Variants in CPXM2 observed in about 807,000 individuals in gnomAD.
CPXM2 encodes the protein inactive carboxypeptidase-like protein X2.
CPXM2 carries 66 observed loss-of-function variants against 86.1 expected under a neutral mutation model. The observed-to-expected ratio is 0.77, with a 90% CI of 0.63 to 0.94. The LOEUF is 0.94. CPXM2 is among the 40% of genes least tolerant of loss of function. The probability of loss-of-function intolerance (pLI) is 0.00; values close to 1 mark genes in which losing one functional copy is unlikely to be tolerated. For missense variants in CPXM2, 948 were observed against 1,026.3 expected (o/e 0.92, Z 1.04); for synonymous variants, 388 against 400.2 (o/e 0.97, Z 0.36).
At chr10:123,758,104 C>T (rs1412900802) in intron 11 of CPXM2, among the ~76,000 whole-genome samples, 8 of 152,192 alleles carry the variant, frequency 5.3e-5, no homozygotes, top group Non-Finnish European at 1.0e-4. Context: ...TGAAAGCAGA[C>T]AAGCCTTCTG....
chr10:123,768,102 G>A (rs1319450924), intron 9 of CPXM2, among the ~76,000 whole-genome samples: 10 of 152,210 alleles, frequency 6.6e-5, no homozygotes, highest in East Asian at 1.9e-4. Flanking sequence ...AATAAAACTC[G>A]TGTGGCCAGG....
At chr10:123,827,171 T>C (rs1052276849) in intron 4 of CPXM2, among the ~76,000 whole-genome samples, 1 of 152,134 alleles carries the variant, frequency 6.6e-6, no homozygotes, top group African/African-American at 2.4e-5. Flanking sequence ...GACAACATTA[T>C]CTGATGCAAT....
intron 4 of CPXM2, among the ~76,000 whole-genome samples, chr10:123,800,108 C>G (rs1281731273): frequency 6.7e-6 from 1 of 148,458 alleles, no homozygotes; most frequent in Non-Finnish European, 1.5e-5. Context: ...TGCTTGCCCT[C>G]AGGATTCAGA....
intron 2 of CPXM2, among the ~76,000 whole-genome samples, chr10:123,906,371 ACTC>A (rs1027965438): frequency 2.0e-4 from 31 of 151,898 alleles, no homozygotes; most frequent in Non-Finnish European, 8.8e-5. Flanking sequence ...AGGCCAGCTC[ACTC>A]CTCCTCCTCA....
At chr10:123,879,969 A>T (rs1333390180) in intron 2 of CPXM2, among the ~76,000 whole-genome samples, 2 of 152,184 alleles carry the variant, frequency 1.3e-5, no homozygotes, top group Non-Finnish European at 2.9e-5. Context: ...TTCAAAACTG[A>T]CTGCAGTTGA....
chr10:123,787,973 T>C (rs1416568977), intron 6 of CPXM2, among the ~76,000 whole-genome samples: 1 of 152,060 alleles, frequency 6.6e-6, no homozygotes, highest in Non-Finnish European at 1.5e-5. Context: ...CACTTCCTAC[T>C]TAGCCCTTTA....
intron 2 of CPXM2, among the ~76,000 whole-genome samples, chr10:123,938,013 T>G (rs548021787): frequency 2.0e-5 from 3 of 152,298 alleles, no homozygotes; most frequent in African/African-American, 7.2e-5. Flanking sequence ...CTCAGAGGCA[T>G]AAATACAGGT....
chr10:123,746,915 T>C lies in CPXM2; in HGVS notation c.2120A>G (p.Tyr707Cys), dbSNP rs1845981473. ...TASTKNCMVG[Y>C]DMGATRCDFT... Reference sequence around the variant, plus strand: ...GTCACACCTTGTGGCCCCCATGTCATAGCCAACCATACAGTTCTTGGTGGA... The same window carrying C: ...GTCACACCTTGTGGCCCCCATGTCACAGCCAACCATACAGTTCTTGGTGGA... Residue 707 changes from tyrosine (Y) to cysteine (C), a missense_variant, in exon 14 of 14, where the codon TAT becomes TGT. By Grantham distance (194) the Tyr-to-Cys change is radical (BLOSUM62 -2). Transcript: ENST00000241305. 3 of 1,614,208 alleles carry C rather than the reference T, an allele frequency of 1.9e-6. No homozygotes were observed. The highest frequency in any genetic ancestry group is 2.5e-6 in the Non-Finnish European group (3 of 1,180,028).
At chr10:123,943,238 T>C (rs1945793503), upstream of CPXM2, among the ~76,000 whole-genome samples, 1 of 152,106 alleles carries the variant, frequency 6.6e-6, no homozygotes, top group Non-Finnish European at 1.5e-5. Context: ...CCTCACTAAA[T>C]AGTAAGTTAA....
chr10:123,880,673 C>CA (rs1945069561), intron 1 of CPXM2, among the ~76,000 whole-genome samples: 2 of 151,646 alleles, frequency 1.3e-5, no homozygotes, highest in East Asian at 1.9e-4. Flanking sequence ...ACTAAAAATA[C>CA]AAAAAATTAG....
chr10:123,774,185 T>A (rs912083586), intron 7 of CPXM2, among the ~76,000 whole-genome samples: 2 of 152,144 alleles, frequency 1.3e-5, no homozygotes, highest in African/African-American at 4.8e-5. Context: ...AGGAAGGCCA[T>A]CCTGGTCAGG....
chr10:123,771,025 C>G lies in CPXM2; in HGVS notation c.993G>C (p.Val331=), dbSNP rs200836309. 6.2e-7 allele frequency: 1 copy of G among 1,613,104 alleles called. No individual in the cohort carries two copies. The highest frequency in any genetic ancestry group is 8.5e-7 in the Non-Finnish European group (1 of 1,179,414). ...YKEMRQLMKV[V]NEMCPNITRI... ...TGGTGATATTGGGACACATTTCATT[C>G]ACAACTTTCATCAACTGAAAAACAA... The change falls in exon 8 of 14, where the codon GTG becomes GTC. Residue 331 remains valine, a synonymous_variant. Transcript: ENST00000241305.
chr10:123,803,532 G>A (rs1230539716), intron 4 of CPXM2, among the ~76,000 whole-genome samples: 1 of 152,066 alleles, frequency 6.6e-6, no homozygotes, highest in African/African-American at 2.4e-5. Flanking sequence ...AGATGATAAA[G>A]ATATTAACTG....
At chr10:123,781,976 A>C (rs1846945560) in intron 6 of CPXM2, among the ~76,000 whole-genome samples, 1 of 152,198 alleles carries the variant, frequency 6.6e-6, no homozygotes, top group Non-Finnish European at 1.5e-5. Flanking sequence ...ATATCGACCC[A>C]AGCACTGAAA....
chr10:123,751,951 T>C (rs1846087969), intron 13 of CPXM2: 2 of 985,320 alleles, frequency 2.0e-6, no homozygotes, highest in Non-Finnish European at 2.4e-6. Flanking sequence ...CAGCACCCAT[T>C]AGGCAAAGTA....
At chr10:123,832,497 T>C (rs530793689) in intron 4 of CPXM2, among the ~76,000 whole-genome samples, 1 of 152,174 alleles carries the variant, frequency 6.6e-6, no homozygotes, top group African/African-American at 2.4e-5. Flanking sequence ...CCAAAATTCA[T>C]ATGTTGGAAC....
At chr10:123,889,565 T>C (rs992729612) in intron 1 of CPXM2, among the ~76,000 whole-genome samples, 2 of 152,158 alleles carry the variant, frequency 1.3e-5, no homozygotes, top group Middle Eastern at 3.4e-3. Context: ...TAACGGCCTG[T>C]GGAATGAATG....
chr10:123,892,072 C>G (rs567902371), upstream of CPXM2: 1 of 152,178 alleles, frequency 6.6e-6, no homozygotes, highest in African/African-American at 2.4e-5. Flanking sequence ...CACTGAGGCC[C>G]GCTGTTCCAT....
At chr10:123,910,168 C>T (rs533875882) in intron 2 of CPXM2, among the ~76,000 whole-genome samples, 21 of 152,294 alleles carry the variant, frequency 1.4e-4, no homozygotes, top group Non-Finnish European at 2.6e-4. Context: ...TGCACATTCG[C>T]GCCCCTGCAC....
Sources: allele counts gnomAD v4.1 joint callset (sites outside exome capture counted in the v4.1 genomes callset), GRCh38; gene constraint gnomAD v4.1.1; transcripts MANE v1.5; gene names NCBI Gene and HGNC (gene_info 2026-07-23, HGNC 2026-07-21).